The following IL1RAPL1 variants were observed in gnomAD, a reference collection of about 807,000 sequenced individuals.
IL1RAPL1 encodes interleukin 1 receptor accessory protein like 1.
In IL1RAPL1, 3 loss-of-function variants were observed where a neutral mutation model predicts 48.4. The ratio of observed to expected loss-of-function variants is 0.06; its 90% CI spans 0.03 to 0.16. The LOEUF (loss-of-function observed/expected upper bound fraction) is 0.16. IL1RAPL1 is among the 10% of genes least tolerant of loss of function. The pLI, the probability that IL1RAPL1 is intolerant of heterozygous loss-of-function variation, is 1.00. For missense variants in IL1RAPL1, 349 were observed against 530.6 expected, an observed-to-expected ratio of 0.66 and a Z score of 3.36; for synonymous variants, 185 against 187.7, an observed-to-expected ratio of 0.99 and a Z score of 0.12.
At position 28,681,331 on chromosome X, in the gene IL1RAPL1, C is replaced by T. The variant is rs767892586; in HGVS notation, c.-25+93284C>T. Among the ~76,000 whole-genome samples, 3 of 110,888 alleles carry T rather than the reference C, an allele frequency of 2.7e-5. No homozygotes were observed. In the South Asian group the frequency reaches 1.1e-3, roughly 42 times the overall value. ...CTATATACAATTAGATATTATTCAGCCTTTAAAAAGAAGGAAACCCATTTT... is the reference window on the plus strand; with the variant it reads ...CTATATACAATTAGATATTATTCAGTCTTTAAAAAGAAGGAAACCCATTTT... On this transcript the variant is annotated intron_variant, in intron 1 of 10. Transcript: ENST00000378993.
Position 28,986,596 on chromosome X carries a change from T to C in IL1RAPL1, c.82+197171T>C, listed in dbSNP as rs186301957. On this transcript the variant is annotated intron_variant, in intron 2 of 10. Coordinates refer to ENST00000378993, the MANE Select transcript of IL1RAPL1 (RefSeq NM_014271.4). ...CAAAAGTGGGTTCTTCCTTCACTTG[T>C]GTAGACAGAAATAAAGAGTGAAATT... Among the ~76,000 whole-genome samples the C allele has an allele frequency of 8.0e-3, 903 of 112,362 alleles. 4 individuals carry two copies. Among genetic ancestry groups the C allele is most frequent in the South Asian group, 0.022 (61 of 2,734 alleles).
chrX:29,579,003 T>A (rs1029033361), intron 5 of IL1RAPL1, among the ~76,000 whole-genome samples: 9 of 111,702 alleles, frequency 8.1e-5, no homozygotes, highest in African/African-American at 2.9e-4. Flanking sequence ...TATTTCAGGA[T>A]GGACTGGCTG....
At position 29,903,795 on chromosome X, in the gene IL1RAPL1, C is replaced by T. The variant is rs150342430; in HGVS notation, c.779-13669C>T. Among the ~76,000 whole-genome samples the T allele has an allele frequency of 6.3e-5, 7 of 111,755 alleles. No individual in the cohort carries two copies. The East Asian group carries it at 2.0e-3, about 32-fold the overall frequency. Reference sequence around the variant, plus strand: ...TTTTATGATCAATTTTAGCATGCTTCCTTCTGAACCTGTTGAGGTTGAGCT... The same window carrying T: ...TTTTATGATCAATTTTAGCATGCTTTCTTCTGAACCTGTTGAGGTTGAGCT... On this transcript the variant is annotated intron_variant, in intron 6 of 10. Transcript: ENST00000378993.
chrX:29,524,620 T>C (rs1935535070), intron 5 of IL1RAPL1, among the ~76,000 whole-genome samples: 1 of 111,805 alleles, frequency 8.9e-6, no homozygotes, highest in Middle Eastern at 4.7e-3. Context: ...AAAAGAGATA[T>C]GGAAAGAAGG....
rs777016616 is a variant in IL1RAPL1, at chrX:29,283,234, A to G, written c.362+17A>G. 4 of 1,199,493 alleles carry G rather than the reference A, an allele frequency of 3.3e-6. No homozygotes were observed. Among genetic ancestry groups the G allele is most frequent in the Non-Finnish European group, 4.5e-6 (4 of 884,527 alleles). ...TGTCATCAGGTATCCCTTTAATTCT[A>G]TTACTGCTGAATCAAAGAAAGCACA... On this transcript the variant is annotated intron_variant, in intron 3 of 10. Coordinates refer to ENST00000378993, the MANE Select transcript of IL1RAPL1 (RefSeq NM_014271.4).
At chrX:29,499,441 A>G (rs777741295) in intron 5 of IL1RAPL1, among the ~76,000 whole-genome samples, 1 of 111,671 alleles carries the variant, frequency 9.0e-6, no homozygotes, top group Non-Finnish European at 1.9e-5. Context: ...GATTTTGTCA[A>G]ATATAATGTT....
intron 2 of IL1RAPL1, among the ~76,000 whole-genome samples, chrX:29,234,064 C>T (rs1456735201): frequency 8.9e-6 from 1 of 111,891 alleles, no homozygotes; most frequent in Non-Finnish European, 1.9e-5. Context: ...AGCACCCAAG[C>T]TCCATAAATA....
At chrX:28,975,233 C>T (rs1159335531) in intron 2 of IL1RAPL1, among the ~76,000 whole-genome samples, 2 of 111,909 alleles carry the variant, frequency 1.8e-5, no homozygotes, top group African/African-American at 3.2e-5. Flanking sequence ...TATATTCCCT[C>T]TATCAGTGTA....
intron 1 of IL1RAPL1, among the ~76,000 whole-genome samples, chrX:28,661,418 TTTTA>T (rs1240101907): frequency 6.6e-4 from 74 of 111,726 alleles, no homozygotes; most frequent in African/African-American, 2.3e-3. Flanking sequence ...TGAGGTCAAT[TTTTA>T]TTCTAAATAT....
At chrX:29,110,086 T>C (rs953481547) in intron 2 of IL1RAPL1, among the ~76,000 whole-genome samples, 2 of 111,894 alleles carry the variant, frequency 1.8e-5, no homozygotes, top group African/African-American at 6.5e-5. Flanking sequence ...AAGCCTTTGG[T>C]AAAATTCTTC....
chrX:29,399,319 T>A lies in IL1RAPL1; in HGVS notation c.703+11T>A, dbSNP rs765669133. On this transcript the variant is annotated intron_variant, in intron 5 of 10. Coordinates refer to ENST00000378993, the MANE Select transcript of IL1RAPL1 (RefSeq NM_014271.4). ...AATTAACTGTTACAGGTAATCACAG[T>A]CTTCAATATTTCACTTGCAAGTGAT... 25 of 1,182,328 alleles carry A rather than the reference T, an allele frequency of 2.1e-5. No individual in the cohort carries two copies. The highest frequency in any genetic ancestry group is 2.2e-5 in the Admixed American group (1 of 45,502).
At chrX:29,619,862 G>A (rs985847566) in intron 5 of IL1RAPL1, among the ~76,000 whole-genome samples, 1 of 111,325 alleles carries the variant, frequency 9.0e-6, no homozygotes, top group Non-Finnish European at 1.9e-5. Flanking sequence ...TTTCTGAAAG[G>A]CTTCCACAGG....
intron 2 of IL1RAPL1, among the ~76,000 whole-genome samples, chrX:29,230,095 A>T (rs1407921268): frequency 8.9e-6 from 1 of 111,816 alleles, no homozygotes; most frequent in Non-Finnish European, 1.9e-5. Flanking sequence ...GTTAGTCTGC[A>T]TGAGATTGAT....
At chrX:29,019,163 A>G (rs1331594303) in intron 2 of IL1RAPL1, among the ~76,000 whole-genome samples, 1 of 111,074 alleles carries the variant, frequency 9.0e-6, no homozygotes, top group Non-Finnish European at 1.9e-5. Context: ...TGATTCAATT[A>G]TCTCCAACGG....
At chrX:29,833,462 C>T (rs1401979137) in intron 6 of IL1RAPL1, among the ~76,000 whole-genome samples, 1 of 110,682 alleles carries the variant, frequency 9.0e-6, no homozygotes, top group Non-Finnish European at 1.9e-5. Context: ...TACATTAATC[C>T]CCTATAAGGC....
chrX:29,886,164 A>C (rs1346396367), intron 6 of IL1RAPL1, among the ~76,000 whole-genome samples: 2 of 112,208 alleles, frequency 1.8e-5, no homozygotes, highest in Non-Finnish European at 3.8e-5. Context: ...AAAACAGTTA[A>C]GGTCAGTCGT....
chrX:28,743,395 C>T (rs778913196), intron 1 of IL1RAPL1, among the ~76,000 whole-genome samples: 14 of 111,606 alleles, frequency 1.3e-4, no homozygotes, highest in South Asian at 7.4e-4. Flanking sequence ...TACAATATTA[C>T]GGAAAATATT....
intron 3 of IL1RAPL1, among the ~76,000 whole-genome samples, chrX:29,381,118 G>A (rs748779748): frequency 1.8e-5 from 2 of 110,807 alleles, no homozygotes; most frequent in South Asian, 3.8e-4. Flanking sequence ...GTCCTGAAAA[G>A]TTTTTGTTAG....
At chrX:29,051,198 C>T (rs1259299687) in intron 2 of IL1RAPL1, among the ~76,000 whole-genome samples, 2 of 111,609 alleles carry the variant, frequency 1.8e-5, no homozygotes, top group African/African-American at 6.5e-5. Context: ...ATAACAGTGT[C>T]GATATCTTTG....
Sources: allele counts gnomAD v4.1 joint callset (sites outside exome capture counted in the v4.1 genomes callset), GRCh38; gene constraint gnomAD v4.1.1; transcripts MANE v1.5; gene names NCBI Gene and HGNC (gene_info 2026-07-23, HGNC 2026-07-21).